NDUFV2: variants seen among roughly 807,000 people sequenced by gnomAD.
NDUFV2 encodes the protein NADH:ubiquinone oxidoreductase core subunit V2, also known as NADH dehydrogenase [ubiquinone] flavoprotein 2, mitochondrial.
NDUFV2 carries 18 observed loss-of-function variants against 31.6 expected under a neutral mutation model. The observed-to-expected ratio is 0.57, with a 90% confidence interval of 0.39 to 0.84. NDUFV2 has a LOEUF of 0.84. Among genes scored for constraint, NDUFV2 ranks in the 40% least tolerant of loss-of-function variants. The probability of loss-of-function intolerance (pLI) is 0.00; values close to 1 mark genes in which losing one functional copy is unlikely to be tolerated. For missense variants in NDUFV2, 314 were observed against 303.6 expected, an observed-to-expected ratio of 1.03 and a Z score of -0.26; for synonymous variants, 83 against 99.8, an observed-to-expected ratio of 0.83 and a Z score of 1.01.
intron 7 of NDUFV2, among the ~76,000 whole-genome samples, chr18:9,130,228 GTT>G (rs1329430081): frequency 6.6e-6 from 1 of 152,100 alleles, no homozygotes; most frequent in African/African-American, 2.4e-5. Flanking sequence ...ATTAAAATCT[GTT>G]ATTTGTAATA....
chr18:9,123,728 G>A (rs780353526), intron 5 of NDUFV2, among the ~76,000 whole-genome samples: 12 of 152,074 alleles, frequency 7.9e-5, no homozygotes, highest in Non-Finnish European at 1.5e-4. Context: ...CTGGCCTCAA[G>A]CAATCCTCCT....
At chr18:9,105,366 C>T (rs938444434) in intron 1 of NDUFV2, among the ~76,000 whole-genome samples, 14 of 152,290 alleles carry the variant, frequency 9.2e-5, no homozygotes, top group Admixed American at 7.8e-4. Context: ...CTTGAGCCAT[C>T]TTAATCTCTT....
chr18:9,127,973 G>T lies in NDUFV2; in HGVS notation c.656+1066G>T, dbSNP rs2078006364. Among the ~76,000 whole-genome samples the T allele has an allele frequency of 2.6e-5, 4 of 152,152 alleles. No homozygotes were observed. In the South Asian group the frequency reaches 8.3e-4, roughly 32 times the overall value. ...TCCAGGTTGCTCCCGTCCCATACCT[G>T]TGTTACATTAATTACTTTCCTTTCA... On this transcript the variant is annotated intron_variant, in intron 7 of 7. Coordinates refer to ENST00000318388, the MANE Select transcript of NDUFV2 (RefSeq NM_021074.5).
intron 7 of NDUFV2, among the ~76,000 whole-genome samples, chr18:9,132,959 T>C (rs1443828302): frequency 6.6e-6 from 1 of 152,230 alleles, no homozygotes; most frequent in Admixed American, 6.5e-5. Flanking sequence ...CTGCTTACTC[T>C]ACAAGTTTCA....
rs546451006 is a variant in NDUFV2 at position 9,102,739 on chromosome 18, C to T, written c.-5C>T. 4 of 1,586,330 alleles carry T rather than the reference C, an allele frequency of 2.5e-6. No individual in the cohort carries two copies. Among genetic ancestry groups the T allele is most frequent in the East Asian group, 2.3e-5 (1 of 43,316 alleles). On this transcript the variant is annotated 5_prime_UTR_variant, in exon 1 of 8. Coordinates refer to ENST00000318388, the MANE Select transcript of NDUFV2 (RefSeq NM_021074.5). ...GGCTGGGGAAGGTGAACAGTGTGGC[C>T]CGCCATGTTCTTCTCCGCGGCGCTC...
intron 5 of NDUFV2, 127 bp downstream of exon 5, chr18:9,122,808 T>G: frequency 1.2e-6 from 1 of 865,280 alleles, no homozygotes; most frequent in Admixed American, 2.2e-5. Flanking sequence ...AGTAATATTT[T>G]GTGTTACTGT....
At chr18:9,117,978 T>TA in intron 2 of NDUFV2, 75 bp downstream of exon 2, 1 of 943,618 alleles carries the variant, frequency 1.1e-6, no homozygotes, top group Non-Finnish European at 1.7e-6. Context: ...AAATCCAAAA[T>TA]ATCTTAAATA....
At chr18:9,114,719 T>A (rs2077889512) in intron 1 of NDUFV2, among the ~76,000 whole-genome samples, 1 of 152,234 alleles carries the variant, frequency 6.6e-6, no homozygotes, top group South Asian at 2.1e-4. Flanking sequence ...TCTGTTTTTT[T>A]CCTAGAGTTT....
At chr18:9,133,996 A>G (rs1275840635) in intron 7 of NDUFV2, among the ~76,000 whole-genome samples, 190 bp from the exon 8 acceptor site, 2 of 152,078 alleles carry the variant, frequency 1.3e-5, no homozygotes, top group East Asian at 3.8e-4. Context: ...GTGAAGTCTG[A>G]TGTTTTTCCA....
In NDUFV2 at chr18:9,128,325, T is replaced by G. The variant is rs147207285; in HGVS notation, c.656+1418T>G. 2.4e-4 allele frequency among the ~76,000 whole-genome samples: 36 copies of G among 152,342 alleles called. No individual in the cohort carries two copies. The East Asian group carries it at 6.9e-3, about 29-fold the overall frequency. ...GGTTCTAGAGTTTGCTCTCTAAAAC[T>G]ACTAATAATACCCTACTTAATGAGA... On this transcript the variant is annotated intron_variant, in intron 7 of 7. Transcript: ENST00000318388.
Position 9,124,798 on chromosome 18 carries a change from ATTC to A in NDUFV2, c.470-73_470-71del, listed in dbSNP as rs2077973829. The A allele has an allele frequency of 1.2e-5, 15 of 1,283,114 alleles. No homozygotes were observed. The South Asian group carries it at 1.2e-4, about 11-fold the overall frequency. The allele number at this position is 1,283,114 out of a possible 1,614,324, so 79.5% of individuals were successfully genotyped here. On this transcript the variant is annotated intron_variant, in intron 5 of 7. Transcript: ENST00000318388. ...AAACTTTTAATATACCTCTATAAAA[ATTC>A]TTTTTTTTTTTTTTAAACCAAATGA...
At chr18:9,104,995 G>A in intron 1 of NDUFV2, 1 of 1,528,242 alleles carries the variant, frequency 6.5e-7, no homozygotes, top group South Asian at 1.2e-5. Context: ...TATACTGTTT[G>A]GTAGCCTGCT....
intron 1 of NDUFV2, among the ~76,000 whole-genome samples, chr18:9,114,107 G>T (rs1263352311): frequency 6.6e-6 from 1 of 151,384 alleles, no homozygotes. Context: ...TTAAACAAAA[G>T]CTGTTCAGTG....
chr18:9,131,157 A>G (rs992391001), intron 7 of NDUFV2, among the ~76,000 whole-genome samples: 2 of 152,232 alleles, frequency 1.3e-5, no homozygotes, highest in Admixed American at 6.5e-5. Context: ...TATTAAAATC[A>G]TAATGAAAAT....
At position 9,111,430 on chromosome 18, in the gene NDUFV2, C is replaced by CT. The variant is rs960855478; in HGVS notation, c.55-6398dup. Among the ~76,000 whole-genome samples the CT allele has an allele frequency of 9.3e-5, 14 of 150,642 alleles. No homozygotes were observed. The East Asian group carries it at 9.7e-4, about 10-fold the overall frequency. On this transcript the variant is annotated intron_variant, in intron 1 of 7. Transcript: ENST00000318388. Reference sequence around the variant, plus strand: ...ATTAAGCACTTTACATGAAGTACATCTTTTTTTTTTCCCCCCGAGACAGAG... The same window carrying CT: ...ATTAAGCACTTTACATGAAGTACATCTTTTTTTTTTTCCCCCCGAGACAGAG...
Position 9,119,478 on chromosome 18 carries a change from T to C in NDUFV2, c.188T>C (p.Ile63Thr). Residue 63 changes from isoleucine (I) to threonine (T), a missense_variant, in exon 4 of 8, where the codon ATA becomes ACA. Transcript: ENST00000318388. ...FDFTPENYKR[I>T]EAIVKNYPEG... ...GATGTTCTTTCTTTTATACAGAGGA[T>C]AGAGGCAATTGTAAAAAACTATCCA... 2.5e-6 allele frequency: 4 copies of C among 1,613,280 alleles called. No individual in the cohort carries two copies. The highest frequency in any genetic ancestry group is 2.2e-5 in the South Asian group (2 of 91,062).
Position 9,119,386 on chromosome 18 carries a change from A to G in NDUFV2, c.181A>G (p.Lys61Glu). The change falls in exon 3 of 8, where the codon AAG (lysine) becomes GAG (glutamate). Residue 61 changes from lysine (K) to glutamate (E), a missense_variant and splice_region_variant. Coordinates refer to ENST00000318388, the MANE Select transcript of NDUFV2 (RefSeq NM_021074.5). ...TPFDFTPENY[K>E]RIEAIVKNYP... ...ATTTGATTTCACACCAGAAAACTAT[A>G]AGGTATGGCTAAATTAACATTATAA... 1 of 1,609,218 alleles carries G rather than the reference A, an allele frequency of 6.2e-7. No individual in the cohort carries two copies. Among genetic ancestry groups the G allele is most frequent in the Non-Finnish European group, 8.5e-7 (1 of 1,175,606 alleles).
chr18:9,118,767 G>C (rs896615199), intron 2 of NDUFV2, among the ~76,000 whole-genome samples: 1 of 145,658 alleles, frequency 6.9e-6, no homozygotes, highest in African/African-American at 2.5e-5. Flanking sequence ...AAGAGATAAA[G>C]CTTCTTGCTG....
intron 7 of NDUFV2, among the ~76,000 whole-genome samples, chr18:9,131,357 AT>A (rs2078038960): frequency 1.3e-5 from 2 of 152,168 alleles, no homozygotes. Context: ...TAATCTTGAC[AT>A]TACTAAATAT....
Sources: gnomAD v4.1 joint callset for allele counts (sites outside exome capture counted in the v4.1 genomes callset) on GRCh38, gnomAD v4.1.1 for gene constraint, MANE v1.5 for transcripts, NCBI Gene and HGNC (gene_info 2026-07-23, HGNC 2026-07-21) for gene names.